The following HEATR1 variants were observed in gnomAD, a reference collection of about 807,000 sequenced individuals.
HEATR1 encodes HEAT repeat-containing protein 1.
In HEATR1, 77 loss-of-function variants were observed where a neutral mutation model predicts 248.2. The observed-to-expected ratio is 0.31, with a 90% CI of 0.26 to 0.37. HEATR1 has a LOEUF of 0.37. HEATR1 is among the 10% of genes least tolerant of loss of function. The pLI, the probability that HEATR1 is intolerant of heterozygous loss-of-function variation, is 1.00. For missense variants in HEATR1, 2,420 were observed against 2,504.9 expected (o/e 0.97, Z 0.72); for synonymous variants, 897 against 923.1 (o/e 0.97, Z 0.51).
In HEATR1 at chr1:236,557,360, A is replaced by G. The variant is rs1318577545; in HGVS notation, c.5205-15T>C. 6.2e-7 allele frequency: 1 copy of G among 1,613,032 alleles called. No individual in the cohort carries two copies. The highest frequency in any genetic ancestry group is 8.5e-7 in the Non-Finnish European group (1 of 1,179,322). ...ATGGCATCAGGCTAGAAACAAAGTAAGAGCTTTAGAAGAACTTGAAGCAGA... is the reference window on the plus strand; with the variant it reads ...ATGGCATCAGGCTAGAAACAAAGTAGGAGCTTTAGAAGAACTTGAAGCAGA... On this transcript the variant is annotated splice_polypyrimidine_tract_variant and intron_variant, in intron 36 of 44. Transcript: ENST00000366582.
At position 236,585,144 on chromosome 1, in the gene HEATR1, G is replaced by A; in HGVS notation, c.2122C>T (p.Leu708=). The A allele has an allele frequency of 1.2e-6, 2 of 1,614,012 alleles. No individual in the cohort carries two copies. Among genetic ancestry groups the A allele is most frequent in the South Asian group, 1.1e-5 (1 of 91,072 alleles). ...GAACAACAAGAGACGAGCACAGACA[G>A]GATCACATGAAACGTTACTTTCTGC... ...LKQKVTFHVI[L]SVLVSCCSSL... The change falls in exon 17 of 45, where the codon CTG becomes TTG. Residue 708 remains leucine (L), a synonymous_variant. Coordinates refer to ENST00000366582, the MANE Select transcript of HEATR1 (RefSeq NM_018072.6).
intron 13 of HEATR1, among the ~76,000 whole-genome samples, 154 bp from the exon 14 acceptor site, chr1:236,587,644 G>A (rs992645546): frequency 1.3e-5 from 2 of 151,990 alleles, no homozygotes; most frequent in Non-Finnish European, 2.9e-5. Context: ...TCTCAAAAGT[G>A]GCATTCATAA....
rs140128139 is a variant in HEATR1 at position 236,587,383 on chromosome 1, A to G, written c.1715+19T>C. The G allele has an allele frequency of 9.3e-4, 1,107 of 1,194,686 alleles. 13 individuals are homozygous for G. The African/African-American group carries it at 0.015, about 16-fold the overall frequency. 74.0% of individuals were successfully genotyped at this position (1,194,686 alleles called of 1,614,324 possible). A position where few individuals can be genotyped will look rare whatever the true frequency, so the allele number is the denominator to read the frequency against. On this transcript the variant is annotated intron_variant, in intron 14 of 44. Coordinates refer to ENST00000366582, the MANE Select transcript of HEATR1 (RefSeq NM_018072.6). The stretch of plus-strand genomic sequence containing the variant: ...AACTTCATCAATTCAAAATAGTATG[A>G]GGAGAAATGAATACATACCATTCTC...
At chr1:236,584,347 A>G (rs1336812263) in intron 17 of HEATR1, among the ~76,000 whole-genome samples, 2 of 152,224 alleles carry the variant, frequency 1.3e-5, no homozygotes, top group Non-Finnish European at 2.9e-5. Flanking sequence ...TACTCTTTTT[A>G]AAGTTTACAC....
chr1:236,604,200 T>A, intron 1 of HEATR1, 73 bp from the exon 2 acceptor site: 1 of 1,254,300 alleles, frequency 8.0e-7, no homozygotes, highest in Non-Finnish European at 1.1e-6. Context: ...AATTCTCTTC[T>A]GCACTCAGCA....
chr1:236,603,457 C>T (rs1664381229), intron 2 of HEATR1, 81 bp from the exon 3 acceptor site: 1 of 1,105,718 alleles, frequency 9.0e-7, no homozygotes, highest in Non-Finnish European at 1.3e-6. Flanking sequence ...GTTTTACTTA[C>T]CCCTAAGAAG....
At position 236,591,968 on chromosome 1, in the gene HEATR1, A is replaced by G. The variant is rs185958417; in HGVS notation, c.1422+25T>C. 5.7e-6 allele frequency: 8 copies of G among 1,401,110 alleles called. No individual in the cohort carries two copies. In the Admixed American group the frequency reaches 1.2e-4, roughly 21 times the overall value. The allele number at this position is 1,401,110 out of a possible 1,614,324, so 86.8% of individuals were successfully genotyped here. A position where few individuals can be genotyped will look rare whatever the true frequency, so the allele number is the denominator to read the frequency against. On this transcript the variant is annotated intron_variant, in intron 11 of 44. Transcript: ENST00000366582. Reference sequence around the variant, plus strand: ...CCATACAAATGTACCCCAAATTGTCATAATTCCTTTGGAGAACAACATACC... The same window carrying G: ...CCATACAAATGTACCCCAAATTGTCGTAATTCCTTTGGAGAACAACATACC...
chr1:236,581,166 T>G, intron 20 of HEATR1, 56 bp downstream of exon 20: 1 of 1,417,528 alleles, frequency 7.1e-7, no homozygotes, highest in Non-Finnish European at 9.9e-7. Flanking sequence ...ATAAACCATA[T>G]AGAGAAAGCA....
intron 4 of HEATR1, among the ~76,000 whole-genome samples, chr1:236,598,498 C>G (rs2115741): frequency 0.62 from 94,779 of 151,904 alleles, 31,136 homozygotes; most frequent in Non-Finnish European, 0.72. Context: ...TGGCTACCTG[C>G]AATAAGAGTG....
intron 12 of HEATR1, among the ~76,000 whole-genome samples, chr1:236,590,225 A>G (rs1159240573): frequency 1.3e-5 from 2 of 150,974 alleles, no homozygotes; most frequent in African/African-American, 5.0e-5. Flanking sequence ...GACTATCAAA[A>G]TCAAATTTCT....
At position 236,585,898 on chromosome 1, in the gene HEATR1, G is replaced by A. The variant is rs140333539; in HGVS notation, c.1971C>T (p.Ile657=). 80 of 1,612,934 alleles carry A rather than the reference G, an allele frequency of 5.0e-5. No homozygotes were observed. The highest frequency in any genetic ancestry group is 2.2e-4 in the Admixed American group (13 of 59,966). The change falls in exon 16 of 45, where the codon ATC becomes ATT. Residue 657 remains isoleucine, a synonymous_variant. Coordinates refer to ENST00000366582, the MANE Select transcript of HEATR1 (RefSeq NM_018072.6). ...VIKSTKPGKL[I]GVANQKMIEL... ...CAATCATCTTCTGATTTGCTACACC[G>A]ATTAGTTTTCCTGGCTTTGTGCTTT... is the stretch of plus-strand genomic sequence containing the variant.
At chr1:236,558,560 T>C in intron 35 of HEATR1, 31 bp from the exon 36 acceptor site, 2 of 1,569,728 alleles carry the variant, frequency 1.3e-6, no homozygotes, top group Non-Finnish European at 1.7e-6. Flanking sequence ...CCCCAAATCA[T>C]TAAAGCTGCA....
chr1:236,569,259 T>C (rs114602355), intron 28 of HEATR1, 135 bp from the exon 29 acceptor site: 17,759 of 617,440 alleles, frequency 0.029, 390 homozygotes, highest in Non-Finnish European at 0.034. Context: ...CACTGAAACC[T>C]TGGACTCCTA....
intron 39 of HEATR1, 62 bp downstream of exon 39, chr1:236,555,743 T>G: frequency 6.2e-7 from 1 of 1,609,402 alleles, no homozygotes; most frequent in South Asian, 1.1e-5. Context: ...GCTAGATTGT[T>G]CTCGGACTCT....
chr1:236,596,303 A>C (rs1475915390), intron 6 of HEATR1, among the ~76,000 whole-genome samples: 1 of 152,232 alleles, frequency 6.6e-6, no homozygotes, highest in Non-Finnish European at 1.5e-5. Context: ...GACAGGAGCC[A>C]GTAAGCTCTT....
intron 34 of HEATR1, 118 bp from the exon 35 acceptor site, chr1:236,559,253 C>A: frequency 1.5e-6 from 1 of 665,758 alleles, no homozygotes; most frequent in Non-Finnish European, 2.3e-6. Context: ...CTTCCACACA[C>A]ATTTTCTTAT....
chr1:236,580,136 C>A (rs1246597676), intron 20 of HEATR1, among the ~76,000 whole-genome samples: 1 of 152,118 alleles, frequency 6.6e-6, no homozygotes, highest in African/African-American at 2.4e-5. Context: ...GTAAGTCAAC[C>A]CACTTTTCAA....
intron 32 of HEATR1, among the ~76,000 whole-genome samples, chr1:236,564,165 C>A (rs1663208872): frequency 6.6e-6 from 1 of 152,160 alleles, no homozygotes; most frequent in Non-Finnish European, 1.5e-5. Context: ...CTGGTAGACA[C>A]TGGAGTTGTT....
Position 236,603,309 on chromosome 1 carries a change from G to C in HEATR1, c.210C>G (p.Phe70Leu). The change falls in exon 3 of 45, where the codon TTC becomes TTG. Residue 70 changes from phenylalanine to leucine, a missense_variant. Physicochemically the swap from Phe to Leu is conservative, Grantham distance 22 (BLOSUM62 0). Coordinates refer to ENST00000366582, the MANE Select transcript of HEATR1 (RefSeq NM_018072.6). ...GCTCCAAGGTTTTTGCTAGCTGACTGAACAACGGTGCTTCAAACTGCTCAA... is the reference window on the plus strand; with the variant it reads ...GCTCCAAGGTTTTTGCTAGCTGACTCAACAACGGTGCTTCAAACTGCTCAA... ...PSFEQFEAPL[F>L]SQLAKTLERS... 1 of 1,614,148 alleles carries C rather than the reference G, an allele frequency of 6.2e-7. No individual in the cohort carries two copies. Among genetic ancestry groups the C allele is most frequent in the Non-Finnish European group, 8.5e-7 (1 of 1,180,010 alleles).
Sources: allele counts gnomAD v4.1 joint callset (sites outside exome capture counted in the v4.1 genomes callset), GRCh38; gene constraint gnomAD v4.1.1; transcripts MANE v1.5; gene names NCBI Gene and HGNC (gene_info 2026-07-23, HGNC 2026-07-21).